The following MDM2 variants were observed in gnomAD, a reference collection of about 807,000 sequenced individuals.
MDM2 encodes the protein E3 ubiquitin-protein ligase Mdm2.
MDM2 carries 11 observed loss-of-function variants against 64.3 expected under a neutral mutation model. That is an observed-to-expected ratio of 0.17 (90% CI 0.11 to 0.28). MDM2 has a LOEUF of 0.28. Among genes scored for constraint, MDM2 ranks in the 10% least tolerant of loss-of-function variants. The pLI is 1.00. For synonymous variants in MDM2, 194 were observed against 192.9 expected (o/e 1.01, Z -0.05); for missense variants, 388 against 577.1 (o/e 0.67, Z 3.36).
At position 68,833,149 on chromosome 12, in the gene MDM2, A is replaced by AATAT. The variant is rs57734852; in HGVS notation, c.685-2665_685-2662dup. 7.8e-3 allele frequency among the ~76,000 whole-genome samples: 517 copies of AATAT among 65,930 alleles called. 4 individuals are homozygous for AATAT. Among genetic ancestry groups the AATAT allele is most frequent in the East Asian group, 0.02 (43 of 2,192 alleles). The allele number at this position is 65,930 out of a possible 152,430, so 43.3% of individuals were successfully genotyped here. On this transcript the variant is annotated intron_variant, in intron 8 of 10. Transcript: ENST00000258149. ...TCCAAAAAAAAAAAAAAAAAAAAAA[A>AATAT]ATATATATATATATATATTTATATT...
In MDM2 at chr12:68,808,493, TAC is replaced by T. The variant is rs1349074189; in HGVS notation, c.14+3_14+4del. 1 of 1,614,108 alleles carries T rather than the reference TAC, an allele frequency of 6.2e-7. No homozygotes were observed. ...AAAACCCCGGATGGTGAGGAGCAGG[TAC>T]TGGCCCGGCAGCGAGCGGTCACTTT... On this transcript the variant is annotated splice_donor_region_variant and intron_variant, in intron 1 of 10. Coordinates refer to ENST00000258149, the MANE Select transcript of MDM2 (RefSeq NM_002392.6).
At position 68,844,219 on chromosome 12, in the gene MDM2, A is replaced by T. The variant is rs773409112; in HGVS notation, c.*4370A>T. 2.8e-5 allele frequency: 6 copies of T among 210,676 alleles called. No homozygotes were observed. 13.1% of individuals were successfully genotyped at this position (210,676 alleles called of 1,614,324 possible). A position where few individuals can be genotyped will look rare whatever the true frequency, so the allele number is the denominator to read the frequency against. On this transcript the variant is annotated 3_prime_UTR_variant, in exon 11 of 11. Transcript: ENST00000258149. ...AATTATTTGATCTTAAATTTTTATG[A>T]GTTGTTAAAATAGAAATTATTTGAA... is the stretch of plus-strand genomic sequence containing the variant.
At chr12:68,821,366 C>A (rs1335636589) in intron 5 of MDM2, among the ~76,000 whole-genome samples, 1 of 152,048 alleles carries the variant, frequency 6.6e-6, no homozygotes, top group Non-Finnish European at 1.5e-5. Flanking sequence ...CTTTTGAGTG[C>A]TGCTTAGAGC....
chr12:68,832,512 AT>A (rs1882875825), intron 8 of MDM2, among the ~76,000 whole-genome samples: 1 of 151,970 alleles, frequency 6.6e-6, no homozygotes, highest in African/African-American at 2.4e-5. Flanking sequence ...TTAAAAAAAT[AT>A]ATATTTTTTA....
At position 68,840,121 on chromosome 12, in the gene MDM2, A is replaced by G. The variant is rs1252447448; in HGVS notation, c.*272A>G. ...GAAGTACTTGGTTTTTTTTTTTCTTAAATATGTATATGACATTTAAATGTA... is the reference window on the plus strand; with the variant it reads ...GAAGTACTTGGTTTTTTTTTTTCTTGAATATGTATATGACATTTAAATGTA... On this transcript the variant is annotated 3_prime_UTR_variant, in exon 11 of 11. Transcript: ENST00000258149. 2 of 381,386 alleles carry G rather than the reference A, an allele frequency of 5.2e-6. No homozygotes were observed. Among genetic ancestry groups the G allele is most frequent in the East Asian group, 8.9e-5 (2 of 22,582 alleles). The allele number at this position is 381,386 out of a possible 1,614,324, so 23.6% of individuals were successfully genotyped here.
At chr12:68,846,072 T>G (rs894048935), downstream of MDM2, 19 of 152,378 alleles carry the variant, frequency 1.2e-4, 1 homozygote, top group South Asian at 1.9e-3. Context: ...TGCCTCAGCC[T>G]CCTGAGTAGC....
chr12:68,821,500 A>G (rs1229361585), intron 5 of MDM2, among the ~76,000 whole-genome samples: 3 of 152,156 alleles, frequency 2.0e-5, no homozygotes, highest in Non-Finnish European at 2.9e-5. Flanking sequence ...AGGCAGGAGG[A>G]TCACTTGAGC....
chr12:68,824,853 C>G, intron 7 of MDM2: 1 of 540,298 alleles, frequency 1.9e-6, no homozygotes, highest in Middle Eastern at 4.9e-4. Context: ...ACAGCAGGCA[C>G]AGTTTACTGT....
At position 68,813,648 on chromosome 12, in the gene MDM2, A is replaced by G. The variant is rs1348037011; in HGVS notation, c.174+20A>G. On this transcript the variant is annotated intron_variant, in intron 3 of 10. Coordinates refer to ENST00000258149, the MANE Select transcript of MDM2 (RefSeq NM_002392.6). Reference sequence around the variant, plus strand: ...AAAGAGGTAAGCTGAATCAAGAGATAAGTAGTATCTCACTAGTTACATGTA... The same window carrying G: ...AAAGAGGTAAGCTGAATCAAGAGATGAGTAGTATCTCACTAGTTACATGTA... 6.4e-7 allele frequency: 1 copy of G among 1,570,338 alleles called. No homozygotes were observed. The highest frequency in any genetic ancestry group is 8.7e-7 in the Non-Finnish European group (1 of 1,142,898).
intron 5 of MDM2, among the ~76,000 whole-genome samples, chr12:68,821,947 C>T (rs960737685): frequency 4.6e-5 from 7 of 152,082 alleles, no homozygotes; most frequent in Admixed American, 1.3e-4. Flanking sequence ...CCTCCACCTC[C>T]AGGGCTCAAA....
chr12:68,845,325 A>G lies in MDM2; in HGVS notation c.*5476A>G, dbSNP rs963552106. On this transcript the variant is annotated 3_prime_UTR_variant, in exon 11 of 11. Coordinates refer to ENST00000258149, the MANE Select transcript of MDM2 (RefSeq NM_002392.6). The stretch of plus-strand genomic sequence containing the variant: ...GGACTTTTTGACATTTACAAATAAT[A>G]CTTTGAGGTAGATATCTGAAAGCAC... The G allele has an allele frequency of 9.4e-6, 2 of 212,428 alleles. No individual in the cohort carries two copies. Among genetic ancestry groups the G allele is most frequent in the Non-Finnish European group, 1.9e-5 (2 of 105,036 alleles). The allele number at this position is 212,428 out of a possible 1,614,324, so 13.2% of individuals were successfully genotyped here.
intron 2 of MDM2, among the ~76,000 whole-genome samples, chr12:68,812,725 AG>A (rs1881014167): frequency 1.3e-5 from 2 of 152,206 alleles, no homozygotes. Flanking sequence ...CTGGGGTTAT[AG>A]GCAAGAGCCA....
chr12:68,827,190 A>T (rs1411664843), intron 7 of MDM2, among the ~76,000 whole-genome samples: 4 of 151,978 alleles, frequency 2.6e-5, no homozygotes, highest in Admixed American at 6.5e-5. Context: ...AGAAAATGAT[A>T]AAAAAAGTCC....
intron 3 of MDM2, among the ~76,000 whole-genome samples, chr12:68,815,043 G>T (rs929810537): frequency 1.3e-5 from 2 of 152,116 alleles, no homozygotes; most frequent in Non-Finnish European, 2.9e-5. Flanking sequence ...ACAGCAATCT[G>T]TCCAATCCAC....
At chr12:68,816,632 C>T (rs1018140786) in intron 3 of MDM2, among the ~76,000 whole-genome samples, 180 bp from the exon 4 acceptor site, 3 of 152,148 alleles carry the variant, frequency 2.0e-5, no homozygotes, top group Non-Finnish European at 4.4e-5. Context: ...ACTGGGATTA[C>T]AGGTGTGAGC....
chr12:68,828,227 G>C (rs935691988), intron 7 of MDM2: 1 of 152,216 alleles, frequency 6.6e-6, no homozygotes, highest in African/African-American at 2.4e-5. Flanking sequence ...AAACAGATGA[G>C]CTCTTATATT....
the MDM2 span, chr12:68,850,570 C>T: frequency 6.6e-6 from 1 of 152,148 alleles, no homozygotes; most frequent in Admixed American, 6.5e-5. Flanking sequence ...TCGATATTAG[C>T]AGGGGTTAGG....
Position 68,842,480 on chromosome 12 carries a change from A to G in MDM2, c.*2631A>G. ...TAAATTATTGACTTATTTTTTATAT[A>G]AGGTCACTCCGATGAAAGGTGATTA... On this transcript the variant is annotated 3_prime_UTR_variant, in exon 11 of 11. Coordinates refer to ENST00000258149, the MANE Select transcript of MDM2 (RefSeq NM_002392.6). The G allele has an allele frequency of 2.5e-6, 1 of 403,486 alleles. No homozygotes were observed. Among genetic ancestry groups the G allele is most frequent in the Non-Finnish European group, 4.8e-6 (1 of 207,100 alleles). 25.0% of individuals were successfully genotyped at this position (403,486 alleles called of 1,614,324 possible).
Position 68,841,970 on chromosome 12 carries a change from A to G in MDM2, c.*2121A>G, listed in dbSNP as rs373482417. The stretch of plus-strand genomic sequence containing the variant: ...GGGACCCATCTACCCTGACCACATC[A>G]TGATGTTCATCTGCAGCTGTTGCAA... On this transcript the variant is annotated 3_prime_UTR_variant, in exon 11 of 11. Coordinates refer to ENST00000258149, the MANE Select transcript of MDM2 (RefSeq NM_002392.6). 144 of 387,164 alleles carry G rather than the reference A, an allele frequency of 3.7e-4. No individual in the cohort carries two copies. The highest frequency in any genetic ancestry group is 2.7e-3 in the African/African-American group (131 of 49,276). The allele number at this position is 387,164 out of a possible 1,614,324, so 24.0% of individuals were successfully genotyped here.
Sources: allele counts gnomAD v4.1 joint callset (sites outside exome capture counted in the v4.1 genomes callset), GRCh38; gene constraint gnomAD v4.1.1; transcripts MANE v1.5; gene names NCBI Gene and HGNC (gene_info 2026-07-23, HGNC 2026-07-21).